Variants in NKAIN2 observed in about 807,000 individuals in gnomAD.
NKAIN2 encodes sodium/potassium-transporting ATPase subunit beta-1-interacting protein 2.
In NKAIN2, 14 loss-of-function variants were observed where a neutral mutation model predicts 32.6. That is an observed-to-expected ratio of 0.43 (90% CI 0.28 to 0.67). NKAIN2 has a LOEUF of 0.67. Among genes scored for constraint, NKAIN2 ranks in the 30% least tolerant of loss-of-function variants. The probability of loss-of-function intolerance (pLI) is 0.17; values close to 1 mark genes in which losing one functional copy is unlikely to be tolerated. For synonymous variants in NKAIN2, 80 were observed against 87.2 expected (o/e 0.92, Z 0.46); for missense variants, 198 against 258.3 (o/e 0.77, Z 1.60).
chr6:124,426,791 G>A (rs907242404), intron 3 of NKAIN2, among the ~76,000 whole-genome samples: 2 of 152,156 alleles, frequency 1.3e-5, no homozygotes, highest in African/African-American at 4.8e-5. Flanking sequence ...AATCATGGCA[G>A]TGGGTCTTTC....
intron 4 of NKAIN2, among the ~76,000 whole-genome samples, chr6:124,726,073 G>C (rs552577751): frequency 6.6e-6 from 1 of 152,142 alleles, no homozygotes; most frequent in Non-Finnish European, 1.5e-5. Flanking sequence ...ACGGAGTCTC[G>C]CTGATTGCTA....
intron 1 of NKAIN2, among the ~76,000 whole-genome samples, chr6:124,178,423 G>T (rs948544065): frequency 6.6e-6 from 1 of 150,960 alleles, no homozygotes; most frequent in Non-Finnish European, 1.5e-5. Flanking sequence ...TCAGCTTCCC[G>T]AGTAGCTGGG....
At chr6:124,074,969 TATAAC>T (rs1783625910) in intron 1 of NKAIN2, among the ~76,000 whole-genome samples, 1 of 152,198 alleles carries the variant, frequency 6.6e-6, no homozygotes, top group Non-Finnish European at 1.5e-5. Flanking sequence ...ATGCTTGACA[TATAAC>T]ATACTTACGT....
chr6:124,205,022 T>C (rs1790790731), intron 1 of NKAIN2, among the ~76,000 whole-genome samples: 1 of 151,626 alleles, frequency 6.6e-6, no homozygotes, highest in Non-Finnish European at 1.5e-5. Context: ...TTAAACTTTA[T>C]TATTATTATG....
intron 1 of NKAIN2, among the ~76,000 whole-genome samples, chr6:124,084,303 G>A (rs1040425563): frequency 1.3e-5 from 2 of 151,982 alleles, no homozygotes; most frequent in African/African-American, 4.8e-5. Flanking sequence ...GGTCCCCTAA[G>A]ATTATAATAC....
At chr6:124,368,540 G>T (rs766483051) in intron 3 of NKAIN2, among the ~76,000 whole-genome samples, 4 of 152,206 alleles carry the variant, frequency 2.6e-5, no homozygotes, top group Non-Finnish European at 5.9e-5. Context: ...CCAAACAGAA[G>T]AGTCCCCCTG....
At chr6:123,904,483 C>A (rs1358745711) in intron 1 of NKAIN2, among the ~76,000 whole-genome samples, 6 of 152,162 alleles carry the variant, frequency 3.9e-5, no homozygotes, top group Admixed American at 3.9e-4. Context: ...ATTAGATTTA[C>A]CTAATGGTTG....
At chr6:124,286,838 T>C (rs1009794840) in intron 2 of NKAIN2, among the ~76,000 whole-genome samples, 1 of 152,002 alleles carries the variant, frequency 6.6e-6, no homozygotes, top group Non-Finnish European at 1.5e-5. Flanking sequence ...TGTGCCATCA[T>C]GCCCGGCTCA....
intron 3 of NKAIN2, among the ~76,000 whole-genome samples, chr6:124,392,137 C>A (rs1773169772): frequency 6.6e-6 from 1 of 151,976 alleles, no homozygotes; most frequent in Admixed American, 6.6e-5. Flanking sequence ...ATCAAAAGTG[C>A]TTTTAAAAAC....
intron 3 of NKAIN2, among the ~76,000 whole-genome samples, chr6:124,517,578 T>A (rs1391844331): frequency 6.6e-6 from 1 of 152,120 alleles, no homozygotes; most frequent in Non-Finnish European, 1.5e-5. Flanking sequence ...TAGCAAGGCC[T>A]CTACTCTGCT....
At chr6:123,824,193 G>T (rs1419507478) in intron 1 of NKAIN2, among the ~76,000 whole-genome samples, 1 of 152,072 alleles carries the variant, frequency 6.6e-6, no homozygotes, top group African/African-American at 2.4e-5. Context: ...AGTGGAAGAG[G>T]CCCCTGAGGT....
intron 1 of NKAIN2, among the ~76,000 whole-genome samples, chr6:124,176,102 A>C (rs578226549): frequency 6.6e-6 from 1 of 152,298 alleles, no homozygotes; most frequent in East Asian, 1.9e-4. Flanking sequence ...TTTCCAGTAC[A>C]TATAAGGGTT....
rs531019550 is a variant in NKAIN2 at position 124,312,914 on chromosome 6, G to A, written c.192+29772G>A. ...ATGGTCAGCTCCAAGACAGAAAAGC[G>A]GGAGGAAATTAGAGTCACGCCTTGG... On this transcript the variant is annotated intron_variant, in intron 2 of 6. Coordinates refer to ENST00000368417, the MANE Select transcript of NKAIN2 (RefSeq NM_001040214.3). Among the ~76,000 whole-genome samples the A allele has an allele frequency of 6.2e-5, 9 of 146,326 alleles. No homozygotes were observed. In the South Asian group the frequency reaches 1.3e-3, roughly 20 times the overall value.
intron 1 of NKAIN2, among the ~76,000 whole-genome samples, chr6:123,918,338 T>A (rs1011331159): frequency 1.3e-5 from 2 of 152,228 alleles, no homozygotes; most frequent in African/African-American, 4.8e-5. Flanking sequence ...TTGTTTAATA[T>A]CACAAAAATT....
At chr6:124,223,394 G>A (rs1305081270) in intron 1 of NKAIN2, among the ~76,000 whole-genome samples, 1 of 151,966 alleles carries the variant, frequency 6.6e-6, no homozygotes, top group Admixed American at 6.6e-5. Flanking sequence ...AAGAGGGGAA[G>A]AATTCTGAAG....
intron 1 of NKAIN2, among the ~76,000 whole-genome samples, chr6:124,245,546 A>G (rs1793352487): frequency 6.6e-6 from 1 of 152,078 alleles, no homozygotes; most frequent in South Asian, 2.1e-4. Context: ...GCTTGAACTT[A>G]TATTGCCCCC....
At chr6:124,276,118 T>G (rs192546927) in intron 1 of NKAIN2, among the ~76,000 whole-genome samples, 2 of 152,244 alleles carry the variant, frequency 1.3e-5, no homozygotes, top group African/African-American at 4.8e-5. Flanking sequence ...TGGTGGTGTT[T>G]CGTTGTGGTG....
At chr6:124,321,904 TGAAATG>T (rs1468703466) in intron 2 of NKAIN2, among the ~76,000 whole-genome samples, 1 of 152,208 alleles carries the variant, frequency 6.6e-6, no homozygotes, top group Non-Finnish European at 1.5e-5. Flanking sequence ...AACTATTACT[TGAAATG>T]GAAATAAGCA....
intron 1 of NKAIN2, among the ~76,000 whole-genome samples, chr6:124,064,497 G>T (rs192726523): frequency 6.6e-6 from 1 of 150,892 alleles, no homozygotes; most frequent in Non-Finnish European, 1.5e-5. Context: ...TTTTTTTCCA[G>T]AAACATTTTA....
Sources: gnomAD v4.1 joint callset for allele counts (sites outside exome capture counted in the v4.1 genomes callset) on GRCh38, gnomAD v4.1.1 for gene constraint, MANE v1.5 for transcripts, NCBI Gene and HGNC (gene_info 2026-07-23, HGNC 2026-07-21) for gene names.